The following UBE2G1 variants were observed in gnomAD, a reference collection of about 807,000 sequenced individuals.
The protein encoded by UBE2G1 is ubiquitin-conjugating enzyme E2 G1.
UBE2G1 carries 5 observed loss-of-function variants against 22.7 expected under a neutral mutation model. The ratio of observed to expected loss-of-function variants is 0.22; its 90% CI spans 0.12 to 0.46. UBE2G1 has a LOEUF of 0.46. Ranked by LOEUF, UBE2G1 falls within the 20% of genes least tolerant of loss-of-function variation. The pLI, the probability that UBE2G1 is intolerant of heterozygous loss-of-function variation, is 0.99. For missense variants in UBE2G1, 88 were observed against 203.9 expected, an observed-to-expected ratio of 0.43 and a Z score of 3.46; for synonymous variants, 74 against 67.5, an observed-to-expected ratio of 1.10 and a Z score of -0.47.
At chr17:4,322,323 T>C (rs974188767) in intron 1 of UBE2G1, among the ~76,000 whole-genome samples, 11 of 152,360 alleles carry the variant, frequency 7.2e-5, no homozygotes, top group African/African-American at 2.4e-4. Flanking sequence ...GGTGTGATTA[T>C]GTCAAAGTAG....
chr17:4,271,445 T>A lies in UBE2G1; in HGVS notation c.*1109A>T, dbSNP rs987427300. Reference sequence around the variant, plus strand: ...CAACTTGACAATTATTGAAAAAAAATTATATTTTGGAAGAACTCACTACAT... The same window carrying A: ...CAACTTGACAATTATTGAAAAAAAAATATATTTTGGAAGAACTCACTACAT... On this transcript the variant is annotated 3_prime_UTR_variant, in exon 6 of 6. Coordinates refer to ENST00000396981, the MANE Select transcript of UBE2G1 (RefSeq NM_003342.5). 7.2e-5 allele frequency: 11 copies of A among 152,504 alleles called. No individual in the cohort carries two copies. The highest frequency in any genetic ancestry group is 6.6e-4 in the Admixed American group (10 of 15,244). The allele number at this position is 152,504 out of a possible 1,614,324, so 9.4% of individuals were successfully genotyped here. A position where few individuals can be genotyped will look rare whatever the true frequency, so the allele number is the denominator to read the frequency against.
At chr17:4,297,262 G>A (rs1438164350) in intron 2 of UBE2G1, among the ~76,000 whole-genome samples, 2 of 151,936 alleles carry the variant, frequency 1.3e-5, no homozygotes, top group African/African-American at 4.8e-5. Flanking sequence ...CCTTATCTAG[G>A]AATAGATATA....
intron 1 of UBE2G1, among the ~76,000 whole-genome samples, chr17:4,325,429 G>T (rs1969494480): frequency 6.6e-6 from 1 of 152,134 alleles, no homozygotes; most frequent in African/African-American, 2.4e-5. Context: ...TACATTGCAT[G>T]TATCACACAT....
intron 1 of UBE2G1, among the ~76,000 whole-genome samples, chr17:4,311,363 A>C (rs1969308065): frequency 6.6e-6 from 1 of 152,210 alleles, no homozygotes; most frequent in African/African-American, 2.4e-5. Flanking sequence ...TTGTACATGA[A>C]TGTCTGTAGT....
intron 1 of UBE2G1, among the ~76,000 whole-genome samples, chr17:4,361,959 C>CA (rs35792021): frequency 0.35 from 24,335 of 68,730 alleles, 3,785 homozygotes; most frequent in Middle Eastern, 0.4. Flanking sequence ...AAGACTGTCT[C>CA]AAAAAAAAAA....
chr17:4,343,818 A>C (rs1036304935), intron 1 of UBE2G1, among the ~76,000 whole-genome samples: 1 of 151,866 alleles, frequency 6.6e-6, no homozygotes, highest in African/African-American at 2.4e-5. Context: ...CGATCTCCTG[A>C]CCTCATGATC....
chr17:4,357,686 G>A (rs1039990955), intron 1 of UBE2G1, among the ~76,000 whole-genome samples: 16 of 151,814 alleles, frequency 1.1e-4, no homozygotes, highest in African/African-American at 3.9e-4. Context: ...CTGTAATTCT[G>A]TCATTTCAAG....
At chr17:4,316,988 G>A (rs911341578) in intron 1 of UBE2G1, among the ~76,000 whole-genome samples, 2 of 148,482 alleles carry the variant, frequency 1.3e-5, no homozygotes, top group Non-Finnish European at 1.5e-5. Context: ...CCTCTAATCC[G>A]AACACTTTGG....
At chr17:4,301,412 A>G in intron 2 of UBE2G1, 1 of 637,090 alleles carries the variant, frequency 1.6e-6, no homozygotes, top group Non-Finnish European at 3.0e-6. Context: ...TCACCTGGCT[A>G]TGACTTTTGA....
intron 1 of UBE2G1, among the ~76,000 whole-genome samples, chr17:4,319,077 A>G (rs1369786983): frequency 1.3e-5 from 2 of 152,234 alleles, no homozygotes; most frequent in African/African-American, 4.8e-5. Flanking sequence ...AGTTATTTTT[A>G]AAGAGTAAAG....
chr17:4,338,234 A>C (rs1943131993), intron 1 of UBE2G1, among the ~76,000 whole-genome samples: 1 of 152,128 alleles, frequency 6.6e-6, no homozygotes, highest in Non-Finnish European at 1.5e-5. Flanking sequence ...AAAACAGACA[A>C]ACTATTAGCT....
chr17:4,348,920 C>T lies in UBE2G1; in HGVS notation c.46+17351G>A, dbSNP rs189818374. On this transcript the variant is annotated intron_variant, in intron 1 of 5. Coordinates refer to ENST00000396981, the MANE Select transcript of UBE2G1 (RefSeq NM_003342.5). ...TAATAATAATAGGGCCGGGCACGGT[C>T]GCTCACACCTGTAATCCCAGCACTT... 1.5e-4 allele frequency among the ~76,000 whole-genome samples: 23 copies of T among 149,756 alleles called. No individual in the cohort carries two copies. The East Asian group carries it at 3.6e-3, about 23-fold the overall frequency.
intron 1 of UBE2G1, among the ~76,000 whole-genome samples, chr17:4,339,338 CTT>C (rs1969685138): frequency 6.6e-6 from 1 of 151,582 alleles, no homozygotes; most frequent in African/African-American, 2.4e-5. Context: ...GAATTTCACT[CTT>C]GTTGCCCAGG....
At chr17:4,279,270 C>T (rs1251804196) in intron 5 of UBE2G1, among the ~76,000 whole-genome samples, 2 of 68,322 alleles carry the variant, frequency 2.9e-5, no homozygotes, top group Non-Finnish European at 3.8e-5. Context: ...AGTGAAACTC[C>T]ATCTCAAAAA....
intron 1 of UBE2G1, among the ~76,000 whole-genome samples, chr17:4,349,822 G>A (rs1235361437): frequency 5.5e-5 from 8 of 146,542 alleles, no homozygotes; most frequent in African/African-American, 2.1e-4. Flanking sequence ...CAGTCTCGGC[G>A]ACAGAGCGAG....
At chr17:4,360,421 G>A (rs1567532091) in intron 1 of UBE2G1, among the ~76,000 whole-genome samples, 1 of 151,182 alleles carries the variant, frequency 6.6e-6, no homozygotes, top group African/African-American at 2.4e-5. Context: ...AAGAGGCGAA[G>A]GATTGAAACT....
At chr17:4,288,665 C>G (rs986150603) in intron 4 of UBE2G1, among the ~76,000 whole-genome samples, 1 of 152,148 alleles carries the variant, frequency 6.6e-6, no homozygotes, top group Non-Finnish European at 1.5e-5. Context: ...AAAAACTACA[C>G]TTCTGCTCTG....
At chr17:4,309,369 T>C (rs1969282476) in intron 1 of UBE2G1, among the ~76,000 whole-genome samples, 1 of 152,260 alleles carries the variant, frequency 6.6e-6, no homozygotes, top group African/African-American at 2.4e-5. Flanking sequence ...AACTAGACTT[T>C]TACAAATAGT....
intron 5 of UBE2G1, among the ~76,000 whole-genome samples, chr17:4,274,602 G>T (rs189685363): frequency 1.3e-5 from 2 of 152,290 alleles, no homozygotes; most frequent in Admixed American, 6.5e-5. Flanking sequence ...CTGAGAGGTA[G>T]AACGACTGCT....
Sources: gnomAD v4.1 joint callset for allele counts (sites outside exome capture counted in the v4.1 genomes callset) on GRCh38, gnomAD v4.1.1 for gene constraint, MANE v1.5 for transcripts, NCBI Gene and HGNC (gene_info 2026-07-23, HGNC 2026-07-21) for gene names.